The following DIP2B variants were observed in gnomAD, a reference collection of about 807,000 sequenced individuals.
The protein encoded by DIP2B is disco-interacting protein 2 homolog B.
A neutral mutation model predicts 198.0 loss-of-function variants in DIP2B; 76 were observed. The observed-to-expected ratio is 0.38, with a 90% CI of 0.32 to 0.46. The LOEUF (loss-of-function observed/expected upper bound fraction) is 0.46, where lower values mean the gene tolerates loss of function less well. DIP2B is among the 20% of genes least tolerant of loss of function. The pLI is 0.99. For synonymous variants in DIP2B, 701 were observed against 739.1 expected (o/e 0.95, Z 0.84); for missense variants, 1,559 against 1,978.4 (o/e 0.79, Z 4.02).
At chr12:50,533,251 T>TA (rs1958234298) in intron 1 of DIP2B, among the ~76,000 whole-genome samples, 1 of 152,258 alleles carries the variant, frequency 6.6e-6, no homozygotes, top group African/African-American at 2.4e-5. Context: ...CAAGACTACA[T>TA]ATTTCTCATG....
intron 3 of DIP2B, among the ~76,000 whole-genome samples, chr12:50,645,253 T>C (rs1938329811): frequency 6.6e-6 from 1 of 151,710 alleles, no homozygotes; most frequent in Admixed American, 6.6e-5. Context: ...TCATGTTCTT[T>C]ATCCAGAAAT....
intron 9 of DIP2B, 138 bp from the exon 10 acceptor site, chr12:50,683,000 A>C: frequency 1.4e-6 from 1 of 700,170 alleles, no homozygotes; most frequent in Middle Eastern, 4.2e-4. Context: ...CAGTAACTTA[A>C]TTTCCTTTAG....
chr12:50,734,015 G>A (rs1940094749), intron 32 of DIP2B, 120 bp from the exon 33 acceptor site: 2 of 1,003,122 alleles, frequency 2.0e-6, no homozygotes, highest in South Asian at 2.6e-5. Context: ...ACTCTCAAGG[G>A]GAGGAGAGGT....
intron 12 of DIP2B, among the ~76,000 whole-genome samples, chr12:50,687,747 G>C (rs1252908333): frequency 6.6e-6 from 1 of 152,126 alleles, no homozygotes; most frequent in Admixed American, 6.5e-5. Flanking sequence ...TGGGGGGCAA[G>C]GGGAGGGAGA....
intron 22 of DIP2B, among the ~76,000 whole-genome samples, chr12:50,713,666 G>A (rs935798911): frequency 2.0e-5 from 3 of 152,218 alleles, no homozygotes; most frequent in African/African-American, 7.2e-5. Context: ...GAGAGCTGCT[G>A]TTGTGTTCAT....
chr12:50,581,318 T>C (rs1004564325), intron 1 of DIP2B, among the ~76,000 whole-genome samples: 3 of 149,510 alleles, frequency 2.0e-5, no homozygotes, highest in Non-Finnish European at 4.4e-5. Context: ...TTAAGACCGC[T>C]ACTGCATAAA....
intron 1 of DIP2B, among the ~76,000 whole-genome samples, chr12:50,576,559 A>T (rs945687726): frequency 4.6e-5 from 7 of 151,226 alleles, no homozygotes; most frequent in African/African-American, 1.7e-4. Flanking sequence ...GCTCACTGCA[A>T]ACTCCACCTC....
At chr12:50,655,591 A>G (rs1938540679) in intron 3 of DIP2B, among the ~76,000 whole-genome samples, 1 of 152,262 alleles carries the variant, frequency 6.6e-6, no homozygotes, top group African/African-American at 2.4e-5. Context: ...TTTGACCATG[A>G]TACTTTAACT....
At chr12:50,632,198 A>G (rs955719809) in intron 2 of DIP2B, among the ~76,000 whole-genome samples, 8 of 152,094 alleles carry the variant, frequency 5.3e-5, no homozygotes, top group African/African-American at 1.9e-4. Context: ...AAAGTTTAGT[A>G]GAGTTGGACT....
intron 3 of DIP2B, among the ~76,000 whole-genome samples, chr12:50,658,021 C>T (rs1007847871): frequency 1.3e-5 from 2 of 148,844 alleles, no homozygotes; most frequent in South Asian, 2.1e-4. Flanking sequence ...GAGACTGAGG[C>T]GGGTGGATCG....
At chr12:50,534,287 A>G (rs1958243948) in intron 1 of DIP2B, among the ~76,000 whole-genome samples, 2 of 151,704 alleles carry the variant, frequency 1.3e-5, no homozygotes, top group Non-Finnish European at 1.5e-5. Flanking sequence ...CTGGGAATTT[A>G]TATTATGTAT....
intron 1 of DIP2B, among the ~76,000 whole-genome samples, chr12:50,536,826 C>T (rs887904137): frequency 4.0e-5 from 6 of 151,698 alleles, no homozygotes; most frequent in South Asian, 4.2e-4. Flanking sequence ...GCCTCGGCCT[C>T]CCAAAGTGCT....
chr12:50,682,077 G>A (rs773850577), intron 9 of DIP2B, among the ~76,000 whole-genome samples: 2 of 152,172 alleles, frequency 1.3e-5, no homozygotes, highest in African/African-American at 2.4e-5. Context: ...AAGAAACTCC[G>A]CAGTGGTAGT....
At position 50,642,985 on chromosome 12, in the gene DIP2B, T is replaced by G. The variant is rs1349051313; in HGVS notation, c.301+2133T>G. 3.3e-5 allele frequency among the ~76,000 whole-genome samples: 5 copies of G among 152,170 alleles called. No individual in the cohort carries two copies. The East Asian group carries it at 9.6e-4, about 29-fold the overall frequency. On this transcript the variant is annotated intron_variant, in intron 3 of 37. Transcript: ENST00000301180. Reference sequence around the variant, plus strand: ...ATGTTCCAACCTGTCCAGAAGGGTTTTTAGCCGTCACAGCTTTCATCCCTG... The same window carrying G: ...ATGTTCCAACCTGTCCAGAAGGGTTGTTAGCCGTCACAGCTTTCATCCCTG...
At chr12:50,701,023 T>G (rs2139561193) in intron 19 of DIP2B, among the ~76,000 whole-genome samples, 1 of 152,316 alleles carries the variant, frequency 6.6e-6, no homozygotes, top group East Asian at 1.9e-4. Context: ...TTTTCTTCAT[T>G]GACTTTTCCT....
At chr12:50,600,615 T>G (rs1448189559) in intron 1 of DIP2B, among the ~76,000 whole-genome samples, 1 of 152,182 alleles carries the variant, frequency 6.6e-6, no homozygotes, top group East Asian at 1.9e-4. Context: ...GATAAGTTTT[T>G]AAATCAGTGG....
At chr12:50,741,370 C>T (rs1288087542) in intron 36 of DIP2B, 46 bp from the exon 37 acceptor site, 13 of 1,597,182 alleles carry the variant, frequency 8.1e-6, no homozygotes, top group Admixed American at 1.7e-5. Context: ...TTATGTTGCA[C>T]TCAGTATATG....
intron 3 of DIP2B, among the ~76,000 whole-genome samples, chr12:50,651,927 C>T (rs1938460416): frequency 6.6e-6 from 1 of 152,108 alleles, no homozygotes; most frequent in South Asian, 2.1e-4. Context: ...CGCCTGTAAT[C>T]CCAGCACATT....
chr12:50,532,680 A>G (rs1307628332), intron 1 of DIP2B, among the ~76,000 whole-genome samples: 2 of 152,180 alleles, frequency 1.3e-5, no homozygotes, highest in Admixed American at 6.6e-5. Context: ...GTGCCAGAGA[A>G]GATGAGTAAG....
Sources: gnomAD v4.1 joint callset for allele counts (sites outside exome capture counted in the v4.1 genomes callset) on GRCh38, gnomAD v4.1.1 for gene constraint, MANE v1.5 for transcripts, NCBI Gene and HGNC (gene_info 2026-07-23, HGNC 2026-07-21) for gene names.